The following ETV1 variants were observed in gnomAD, a reference collection of about 807,000 sequenced individuals.
ETV1 encodes ETS translocation variant 1.
A neutral mutation model predicts 62.3 loss-of-function variants in ETV1; 27 were observed. That is an observed-to-expected ratio of 0.43 (90% CI 0.32 to 0.60). ETV1 has a LOEUF of 0.60. Ranked by LOEUF, ETV1 falls within the 20% of genes least tolerant of loss-of-function variation. ETV1 has a pLI of 0.06. For synonymous variants in ETV1, 222 were observed against 199.6 expected, an observed-to-expected ratio of 1.11 and a Z score of -0.94; for missense variants, 605 against 605.8, an observed-to-expected ratio of 1.00 and a Z score of 0.01.
chr7:13,906,482 A>G lies in ETV1; in HGVS notation c.1058T>C (p.Phe353Ser), dbSNP rs1782972970. ...ALLDDPSNSH[F>S]IAWTGRGMEF... The stretch of plus-strand genomic sequence containing the variant: ...CATGCCTCGACCAGTCCAGGCAATA[A>G]AATGAGAATTTGAAGGGTCATCCAG... The change falls in exon 12 of 14, where the codon TTT (phenylalanine) becomes TCT (serine). Residue 353 changes from phenylalanine to serine, a missense_variant. Physicochemically the swap from Phe to Ser is radical, Grantham distance 155. Coordinates refer to ENST00000430479, the MANE Select transcript of ETV1 (RefSeq NM_004956.5). The G allele has an allele frequency of 6.2e-7, 1 of 1,610,738 alleles. No homozygotes were observed. Among genetic ancestry groups the G allele is most frequent in the Non-Finnish European group, 8.5e-7 (1 of 1,178,488 alleles).
At position 13,935,780 on chromosome 7, in the gene ETV1, G is replaced by C. The variant is rs764264160; in HGVS notation, c.482C>G (p.Pro161Arg). The stretch of plus-strand genomic sequence containing the variant: ...GAGGTGAGCTGGGAAGGCCCGGTCA[G>C]GTTTCGGTGTATGAGTTGAGTTTGG... Reference protein sequence around the residue: ...ASPNSTHTPKPDRAFPAHLPP... With the variant: ...ASPNSTHTPKRDRAFPAHLPP... The change falls in exon 8 of 14, where the codon CCT becomes CGT. Residue 161 changes from proline to arginine, a missense_variant. Physicochemically the swap from Pro to Arg is moderately radical, Grantham distance 103. Around this residue, in one of 3 missense-constraint regions of ETV1, gnomAD observed 426 missense variants for 377.8 expected, o/e 1.13. Coordinates refer to ENST00000430479, the MANE Select transcript of ETV1 (RefSeq NM_004956.5). The C allele has an allele frequency of 5.6e-6, 9 of 1,613,958 alleles. No homozygotes were observed. In the East Asian group the frequency reaches 2.0e-4, roughly 36 times the overall value.
In ETV1 at chr7:13,985,819, G is replaced by T. The variant is rs181886292; in HGVS notation, c.181+819C>A. 8.6e-3 allele frequency among the ~76,000 whole-genome samples: 1,308 copies of T among 152,162 alleles called. 16 individuals are homozygous for T. The highest frequency in any genetic ancestry group is 0.044 in the Middle Eastern group (13 of 294). ...GCCAACAGAAGTCCCTCAACATTAG[G>T]CATTTTTGAAGTTGTATAAAGCTTT... On this transcript the variant is annotated intron_variant, in intron 5 of 13. Transcript: ENST00000430479.
chr7:13,932,892 A>T (rs1786358415), intron 8 of ETV1, among the ~76,000 whole-genome samples: 1 of 152,224 alleles, frequency 6.6e-6, no homozygotes, highest in Non-Finnish European at 1.5e-5. Flanking sequence ...TGGCAAAGCG[A>T]TTGCTTTAGC....
intron 6 of ETV1, chr7:13,974,747 T>G (rs2128497646): frequency 6.6e-6 from 1 of 152,366 alleles, no homozygotes; most frequent in African/African-American, 2.4e-5. Flanking sequence ...TGCCAGTAAC[T>G]TAGAAAGGCA....
rs572369246 is a variant in ETV1 at position 13,937,681 on chromosome 7, G to A, written c.365+1436C>T. Among the ~76,000 whole-genome samples the A allele has an allele frequency of 1.1e-4, 17 of 152,288 alleles. No individual in the cohort carries two copies. The South Asian group carries it at 3.5e-3, about 32-fold the overall frequency. ...ATTATGCTGTGGATACACAGTACTTGTAAGGAGAAAATGCAAAAACAAAAC... is the reference window on the plus strand; with the variant it reads ...ATTATGCTGTGGATACACAGTACTTATAAGGAGAAAATGCAAAAACAAAAC... On this transcript the variant is annotated intron_variant, in intron 7 of 13. Coordinates refer to ENST00000430479, the MANE Select transcript of ETV1 (RefSeq NM_004956.5).
intron 6 of ETV1, among the ~76,000 whole-genome samples, chr7:13,969,941 G>A (rs1039791790): frequency 2.0e-5 from 3 of 152,038 alleles, no homozygotes; most frequent in African/African-American, 7.2e-5. Flanking sequence ...TTCCTACTCT[G>A]TACATAAACT....
chr7:13,911,341 C>A (rs376466563), intron 9 of ETV1, 34 bp from the exon 10 acceptor site: 2 of 1,508,026 alleles, frequency 1.3e-6, no homozygotes, highest in East Asian at 2.3e-5. Context: ...CAAAAAGAGT[C>A]TGGAGCTGAA....
chr7:13,958,471 A>C (rs188157785), intron 6 of ETV1, among the ~76,000 whole-genome samples: 319 of 152,260 alleles, frequency 2.1e-3, no homozygotes, highest in Middle Eastern at 3.4e-3. Context: ...TCCCCTCATC[A>C]CTGGGTAAAT....
chr7:13,930,948 G>A (rs373337196), intron 9 of ETV1, among the ~76,000 whole-genome samples: 6 of 151,626 alleles, frequency 4.0e-5, no homozygotes, highest in African/African-American at 1.5e-4. Context: ...CTACAGGCAC[G>A]TGCCACCATG....
intron 8 of ETV1, among the ~76,000 whole-genome samples, chr7:13,934,287 C>G (rs1247613681): frequency 2.0e-5 from 3 of 152,168 alleles, no homozygotes; most frequent in Non-Finnish European, 2.9e-5. Context: ...AGTGATGGAA[C>G]CAAGGGTGGA....
chr7:13,907,175 GA>G (rs2128415048), intron 11 of ETV1, among the ~76,000 whole-genome samples: 1 of 152,148 alleles, frequency 6.6e-6, no homozygotes, highest in Non-Finnish European at 1.5e-5. Flanking sequence ...TATAAATAAG[GA>G]AAATCTTGTG....
chr7:13,964,595 TA>T (rs1366168529), intron 6 of ETV1, among the ~76,000 whole-genome samples: 2 of 152,140 alleles, frequency 1.3e-5, no homozygotes, highest in Non-Finnish European at 2.9e-5. Flanking sequence ...AAACCTGGCA[TA>T]AAAATATTGA....
intron 8 of ETV1, among the ~76,000 whole-genome samples, chr7:13,932,246 A>G (rs73274901): frequency 0.027 from 4,073 of 152,306 alleles, 156 homozygotes; most frequent in African/African-American, 0.088. Flanking sequence ...ACCTGCTGAG[A>G]AAGCAAGAGA....
At chr7:13,947,714 A>G (rs1788338073) in intron 6 of ETV1, among the ~76,000 whole-genome samples, 2 of 152,216 alleles carry the variant, frequency 1.3e-5, no homozygotes, top group South Asian at 4.1e-4. Context: ...ATCACATTAT[A>G]TGAGATTTTT....
chr7:13,920,872 G>A (rs1205556036), intron 9 of ETV1, among the ~76,000 whole-genome samples: 1 of 152,088 alleles, frequency 6.6e-6, no homozygotes, highest in Non-Finnish European at 1.5e-5. Context: ...AGCAATAAAA[G>A]GCAAAGTCAA....
chr7:13,895,084 G>A lies in ETV1; in HGVS notation c.*782C>T. ...TGACATGTCATTATTTAACTGAAAT[G>A]GGCTTCAAAATATTTAAAAGACGGT... On this transcript the variant is annotated 3_prime_UTR_variant, in exon 14 of 14. Coordinates refer to ENST00000430479, the MANE Select transcript of ETV1 (RefSeq NM_004956.5). The A allele has an allele frequency of 4.3e-6, 1 of 233,276 alleles. No individual in the cohort carries two copies. The highest frequency in any genetic ancestry group is 8.5e-6 in the Non-Finnish European group (1 of 117,850). 14.5% of individuals were successfully genotyped at this position (233,276 alleles called of 1,614,324 possible).
At chr7:13,963,557 A>C (rs957366306) in intron 6 of ETV1, among the ~76,000 whole-genome samples, 8 of 151,756 alleles carry the variant, frequency 5.3e-5, no homozygotes, top group Non-Finnish European at 1.2e-4. Context: ...TCATGCACAC[A>C]CACACCTATA....
intron 9 of ETV1, among the ~76,000 whole-genome samples, chr7:13,927,459 A>C (rs1315948957): frequency 6.6e-6 from 1 of 152,180 alleles, no homozygotes; most frequent in Admixed American, 6.5e-5. Context: ...CTCAAAATAC[A>C]AATACAAATA....
At chr7:13,917,518 T>C (rs960285168) in intron 9 of ETV1, among the ~76,000 whole-genome samples, 3 of 151,876 alleles carry the variant, frequency 2.0e-5, no homozygotes, top group Non-Finnish European at 4.4e-5. Flanking sequence ...GGTTTCACTA[T>C]CTTAAGTCAG....
Sources: gnomAD v4.1 joint callset for allele counts (sites outside exome capture counted in the v4.1 genomes callset) on GRCh38, gnomAD v4.1.1 for gene constraint, gnomAD v4.1.1 regional missense constraint, MANE v1.5 for transcripts, NCBI Gene and HGNC (gene_info 2026-07-23, HGNC 2026-07-21) for gene names.